The following SP140 variants were observed in gnomAD, a reference collection of about 807,000 sequenced individuals.
SP140 encodes the protein SP140 nuclear body protein.
SP140 carries 81 observed loss-of-function variants against 125.0 expected under a neutral mutation model. The observed-to-expected ratio is 0.65, with a 90% CI of 0.54 to 0.78. SP140 has a LOEUF of 0.78. Among genes scored for constraint, SP140 ranks in the 30% least tolerant of loss-of-function variants. The pLI, the probability that SP140 is intolerant of heterozygous loss-of-function variation, is 0.00. For missense variants in SP140, 858 were observed against 1,037.0 expected (o/e 0.83, Z 2.37); for synonymous variants, 312 against 354.0 (o/e 0.88, Z 1.33).
chr2:230,310,589 C>A (rs1442289403), intron 23 of SP140, among the ~76,000 whole-genome samples, 154 bp from the exon 24 acceptor site: 2 of 152,048 alleles, frequency 1.3e-5, no homozygotes, highest in Non-Finnish European at 2.9e-5. Context: ...TGGCTGGAGA[C>A]CCCATGTGTG....
At position 230,211,547 on chromosome 2, in the gene SP140, C is replaced by G; in HGVS notation, c.-322-2107C>G. On this transcript the variant is annotated intron_variant, in intron 1 of 4. Transcript: ENST00000456542. The surrounding 1 kb of genome is among the most constrained non-coding windows in gnomAD (Gnocchi z 4.2). ...TCTTATTTGGGGGATCAGGTTGTCA[C>G]TGGCCACTGAATGGAGGAAGAAAAA... 1 of 1,602,386 alleles carries G rather than the reference C, an allele frequency of 6.2e-7. No individual in the cohort carries two copies. The highest frequency in any genetic ancestry group is 8.6e-7 in the Non-Finnish European group (1 of 1,169,360).
chr2:230,278,805 C>T (rs534257896), intron 15 of SP140, among the ~76,000 whole-genome samples: 3 of 152,086 alleles, frequency 2.0e-5, no homozygotes, highest in African/African-American at 7.2e-5. Flanking sequence ...TTAAATGCCC[C>T]TTCTTGACAT....
intron 22 of SP140, among the ~76,000 whole-genome samples, chr2:230,301,676 G>A (rs2058294789): frequency 6.6e-6 from 1 of 151,956 alleles, no homozygotes; most frequent in Non-Finnish European, 1.5e-5. Flanking sequence ...TACCAAAATA[G>A]AACCCCCTAA....
chr2:230,299,211 A>C (rs1033763757), intron 22 of SP140, among the ~76,000 whole-genome samples: 2 of 152,208 alleles, frequency 1.3e-5, no homozygotes, highest in African/African-American at 4.8e-5. Flanking sequence ...CACCCTTTAA[A>C]AGAAGTGGCT....
chr2:230,299,539 G>T (rs1327574549), intron 22 of SP140, among the ~76,000 whole-genome samples: 1 of 152,192 alleles, frequency 6.6e-6, no homozygotes, highest in East Asian at 1.9e-4. Context: ...ATGGGGAGAA[G>T]GAGGCTTCCA....
In SP140 at chr2:230,237,767, G is replaced by T. The variant is rs1158968310; in HGVS notation, c.238-446G>T. ...AATGTTAGCAGTGGATGCCCTTAGGGATACTGAGGACAAGGCTTCTTCTTG... is the reference window on the plus strand; with the variant it reads ...AATGTTAGCAGTGGATGCCCTTAGGTATACTGAGGACAAGGCTTCTTCTTG... On this transcript the variant is annotated intron_variant, in intron 2 of 26. Transcript: ENST00000392045. This position sits in a 1 kb window ranked among gnomAD's most constrained non-coding sequence, Gnocchi z 5.4. 6.6e-6 allele frequency among the ~76,000 whole-genome samples: 1 copy of T among 152,142 alleles called. No homozygotes were observed. The highest frequency in any genetic ancestry group is 1.5e-5 in the Non-Finnish European group (1 of 68,028).
At chr2:230,284,440 CTT>C (rs761299050) in intron 16 of SP140, 29 bp downstream of exon 16, 2 of 1,582,712 alleles carry the variant, frequency 1.3e-6, no homozygotes, top group Non-Finnish European at 1.7e-6. Flanking sequence ...GTAGTTACAG[CTT>C]TTGAGTTTAT....
upstream of SP140, among the ~76,000 whole-genome samples, chr2:230,222,842 T>G (rs1397434763): frequency 1.6e-5 from 1 of 61,086 alleles, no homozygotes; most frequent in Non-Finnish European, 3.4e-5. Flanking sequence ...GTATTAAAGT[T>G]TTTTTTTTTT....
At chr2:230,307,981 A>ATT (rs1442463599) in intron 22 of SP140, among the ~76,000 whole-genome samples, 5 of 93,926 alleles carry the variant, frequency 5.3e-5, no homozygotes, top group Non-Finnish European at 4.5e-5. Flanking sequence ...ATATATATAT[A>ATT]TATATATATA....
chr2:230,217,799 A>G (rs1415047067), intron 3 of SP140, among the ~76,000 whole-genome samples: 3 of 152,222 alleles, frequency 2.0e-5, no homozygotes, highest in Non-Finnish European at 4.4e-5. Context: ...GGCTGAAGCC[A>G]TTAACTAGCA....
At chr2:230,193,518 C>G in the SP140 span, among the ~76,000 whole-genome samples, 1 of 152,158 alleles carries the variant, frequency 6.6e-6, no homozygotes, top group African/African-American at 2.4e-5. Flanking sequence ...AGAGTTAGAA[C>G]TCCTTTTGGC....
intron 1 of SP140, chr2:230,210,053 A>G (rs1391516331): frequency 8.4e-7 from 1 of 1,192,604 alleles, no homozygotes; most frequent in Non-Finnish European, 1.3e-6. Flanking sequence ...GATCCAGTGA[A>G]GAGAAAGTGC....
intron 9 of SP140, among the ~76,000 whole-genome samples, chr2:230,249,775 C>T (rs562044927): frequency 3.0e-4 from 46 of 152,100 alleles, no homozygotes; most frequent in Non-Finnish European, 5.9e-4. Flanking sequence ...AGGGGCAGGT[C>T]GAGGGCCTAT....
At chr2:230,206,636 T>TATATA (rs1238252289) in intron 1 of SP140, among the ~76,000 whole-genome samples, 2 of 128,258 alleles carry the variant, frequency 1.6e-5, no homozygotes, top group Non-Finnish European at 3.3e-5. Flanking sequence ...TATATATATA[T>TATATA]ATGGACCACA....
At chr2:230,230,061 C>T (rs988523556) in intron 1 of SP140, among the ~76,000 whole-genome samples, 3 of 152,144 alleles carry the variant, frequency 2.0e-5, no homozygotes, top group African/African-American at 7.2e-5. Flanking sequence ...AAAAGCCACA[C>T]ATTGAGAATA....
rs1331950988 is a variant in SP140 at position 230,211,285 on chromosome 2, C to A, written c.-322-2369C>A. On this transcript the variant is annotated intron_variant, in intron 1 of 4. Transcript: ENST00000456542. The surrounding 1 kb of genome is among the most constrained non-coding windows in gnomAD (Gnocchi z 4.2). ...CCTCCTTTGCCCTCCCCCAGGGACT[C>A]TGTATCCATTCAGAGGTCGGGTCTC... Among the ~76,000 whole-genome samples the A allele has an allele frequency of 2.6e-5, 4 of 152,214 alleles. No homozygotes were observed. The highest frequency in any genetic ancestry group is 9.7e-5 in the African/African-American group (4 of 41,448).
chr2:230,207,047 A>G (rs1168212274), intron 1 of SP140, among the ~76,000 whole-genome samples: 3 of 152,144 alleles, frequency 2.0e-5, no homozygotes, highest in Non-Finnish European at 4.4e-5. Flanking sequence ...CAACACCTAG[A>G]GTTTCTCTGG....
chr2:230,308,276 T>A (rs1476083881), intron 22 of SP140, among the ~76,000 whole-genome samples: 3 of 151,868 alleles, frequency 2.0e-5, no homozygotes, highest in Non-Finnish European at 4.4e-5. Context: ...AGACTACACA[T>A]TGGGTACAGC....
intron 3 of SP140, chr2:230,215,214 C>T (rs1042306740): frequency 2.0e-6 from 2 of 978,370 alleles, no homozygotes; most frequent in Non-Finnish European, 3.2e-6. Context: ...AGCTACCTTA[C>T]TCTTTTAAGA....
Sources: gnomAD v4.1 joint callset for allele counts (sites outside exome capture counted in the v4.1 genomes callset) on GRCh38, gnomAD v4.1.1 for gene constraint, Gnocchi (gnomAD v3.1) non-coding constraint, MANE v1.5 for transcripts, NCBI Gene and HGNC (gene_info 2026-07-23, HGNC 2026-07-21) for gene names.